Variants in RGPD3 observed in about 807,000 individuals in gnomAD.
The protein encoded by RGPD3 is RANBP2 like and GRIP domain containing 3, also known as ranBP2-like and GRIP domain-containing protein 3.
RGPD3 carries 62 observed loss-of-function variants against 154.5 expected under a neutral mutation model. The observed-to-expected ratio is 0.40, with a 90% CI of 0.33 to 0.50. RGPD3 has a LOEUF of 0.50. Ranked by LOEUF, RGPD3 falls within the 20% of genes least tolerant of loss-of-function variation. The pLI is 0.59. For missense variants in RGPD3, 919 were observed against 1,716.8 expected (o/e 0.54, Z 8.21); for synonymous variants, 308 against 607.0 (o/e 0.51, Z 7.24).
intron 20 of RGPD3, among the ~76,000 whole-genome samples, chr2:106,421,245 C>A (rs1188246547): frequency 6.6e-6 from 1 of 151,944 alleles, no homozygotes; most frequent in Non-Finnish European, 1.5e-5. Flanking sequence ...TTATCAGATT[C>A]AAAACAGAAT....
chr2:106,423,835 C>T lies in RGPD3; in HGVS notation c.4132G>A (p.Gly1378Ser), dbSNP rs769993709. The change falls in exon 20 of 23, where the codon GGC (glycine) becomes AGC (serine). Residue 1378 changes from glycine (G) to serine (S), a missense_variant. Transcript: ENST00000409886. ...TGTAAAATCTTTATATCACCAATGC[C>T]CCTTTCTTTCCATTGACCAACATCT... ...DKDVGQWKER[G>S]IGDIKILQNY... The T allele has an allele frequency of 8.2e-5, 132 of 1,611,824 alleles. No individual in the cohort carries two copies. The highest frequency in any genetic ancestry group is 1.1e-4 in the Non-Finnish European group (129 of 1,179,878).
chr2:106,441,124 T>C (rs1346175262), intron 8 of RGPD3, among the ~76,000 whole-genome samples, 169 bp downstream of exon 8: 1 of 151,862 alleles, frequency 6.6e-6, no homozygotes, highest in Admixed American at 6.6e-5. Flanking sequence ...TTTTAAAGAA[T>C]GTGCTATTTC....
intron 2 of RGPD3, among the ~76,000 whole-genome samples, chr2:106,459,030 A>C (rs1238791913): frequency 6.8e-6 from 1 of 146,594 alleles, no homozygotes; most frequent in African/African-American, 2.5e-5. Flanking sequence ...AAGTGTTTTA[A>C]GCCAAACAAT....
Position 106,415,873 on chromosome 2 carries a change from C to T in RGPD3, c.5041G>A (p.Ala1681Thr). 1 of 1,611,918 alleles carries T rather than the reference C, an allele frequency of 6.2e-7. No homozygotes were observed. The highest frequency in any genetic ancestry group is 8.5e-7 in the Non-Finnish European group (1 of 1,179,848). The part of the protein sequence containing the change: ...GLLREIEATN[A>T]VLMEQIKLLK... ...ACCTTAATTTGCTCCATAAGGACTG[C>T]ATTGGTTGCCTCTATTTCCCGAAGC... The change falls in exon 21 of 23, where the codon GCA becomes ACA. Residue 1681 changes from alanine to threonine, a missense_variant. Ala to Thr is a moderately conservative substitution (Grantham distance 58). Coordinates refer to ENST00000409886, the MANE Select transcript of RGPD3 (RefSeq NM_001144013.2).
intron 6 of RGPD3, among the ~76,000 whole-genome samples, chr2:106,449,751 C>T (rs2104501948): frequency 6.6e-6 from 1 of 152,000 alleles, no homozygotes; most frequent in Non-Finnish European, 1.5e-5. Flanking sequence ...GGCGCGGTGG[C>T]TCATGCCTGT....
chr2:106,465,449 T>C (rs1678541868), intron 1 of RGPD3, among the ~76,000 whole-genome samples: 1 of 152,124 alleles, frequency 6.6e-6, no homozygotes, highest in African/African-American at 2.4e-5. Flanking sequence ...CTTTATTTAA[T>C]GGAGAAGTTA....
Position 106,415,711 on chromosome 2 carries a change from A to G in RGPD3, c.5064+139T>C, listed in dbSNP as rs892763949. 83 of 778,440 alleles carry G rather than the reference A, an allele frequency of 1.1e-4. 1 individual carries two copies. In the African/African-American group the frequency reaches 1.5e-3, roughly 14 times the overall value. The allele number at this position is 778,440 out of a possible 1,614,324, so 48.2% of individuals were successfully genotyped here. ...AAAAAAAAAAAAGGCAATATTTCTCACCATCAGGAATCTAATATAAAGATC... is the reference window on the plus strand; with the variant it reads ...AAAAAAAAAAAAGGCAATATTTCTCGCCATCAGGAATCTAATATAAAGATC... On this transcript the variant is annotated intron_variant, in intron 21 of 22. Transcript: ENST00000409886.
chr2:106,423,793 G>A lies in RGPD3; in HGVS notation c.4174C>T (p.His1392Tyr). Residue 1392 changes from histidine (H) to tyrosine (Y), a missense_variant, in exon 20 of 23, where the codon CAC becomes TAC. Transcript: ENST00000409886. The stretch of plus-strand genomic sequence containing the variant: ...TCCCTTCTCATCAGTATACGAACGT[G>A]CTTATTATCATAATTCTGTAAAATC... The part of the protein sequence containing the change: ...IKILQNYDNK[H>Y]VRILMRRDQV... 6.2e-7 allele frequency: 1 copy of A among 1,611,974 alleles called. No individual in the cohort carries two copies. Among genetic ancestry groups the A allele is most frequent in the Non-Finnish European group, 8.5e-7 (1 of 1,179,864 alleles).
At chr2:106,418,119 T>G (rs187571080) in intron 20 of RGPD3, among the ~76,000 whole-genome samples, 9,557 of 143,376 alleles carry the variant, frequency 0.067, 1,226 homozygotes, top group Middle Eastern at 0.14. Context: ...AGAGCAAGAC[T>G]CCAGCTCAAA....
At chr2:106,426,775 C>T (rs1677210248) in intron 18 of RGPD3, among the ~76,000 whole-genome samples, 1 of 152,248 alleles carries the variant, frequency 6.6e-6, no homozygotes, top group South Asian at 2.1e-4. Flanking sequence ...TACCAGAAAA[C>T]AACCAAAAGA....
At position 106,412,293 on chromosome 2, in the gene RGPD3, G is replaced by GTTTTTTTTT. The variant is rs772813472; in HGVS notation, c.5266+782_5266+790dup. Among the ~76,000 whole-genome samples, 4 of 45,028 alleles carry GTTTTTTTTT rather than the reference G, an allele frequency of 8.9e-5. 1 individual carries two copies. Among genetic ancestry groups the GTTTTTTTTT allele is most frequent in the Admixed American group, 8.1e-4 (2 of 2,484 alleles). The allele number at this position is 45,028 out of a possible 152,430, so 29.5% of individuals were successfully genotyped here. On this transcript the variant is annotated intron_variant, in intron 22 of 22. Coordinates refer to ENST00000409886, the MANE Select transcript of RGPD3 (RefSeq NM_001144013.2). ...GGAAACCAACTCTAACTACATCATA[G>GTTTTTTTTT]TTTTTTTTTTTTTTTTTTTTTTTTT...
At position 106,417,575 on chromosome 2, in the gene RGPD3, C is replaced by T. The variant is rs1010945657; in HGVS notation, c.4925-1586G>A. Among the ~76,000 whole-genome samples, 33 of 149,800 alleles carry T rather than the reference C, an allele frequency of 2.2e-4. 2 individuals carry two copies. The highest frequency in any genetic ancestry group is 7.5e-4 in the African/African-American group (30 of 39,754). ...GTATCAGTTGTCTCCATGCCTTCTC[C>T]CTCTTCCCGGGTTACAGTGTGCATG... is the stretch of plus-strand genomic sequence containing the variant. On this transcript the variant is annotated intron_variant, in intron 20 of 22. Coordinates refer to ENST00000409886, the MANE Select transcript of RGPD3 (RefSeq NM_001144013.2).
intron 22 of RGPD3, among the ~76,000 whole-genome samples, chr2:106,411,659 T>G (rs1676675123): frequency 6.6e-6 from 1 of 151,600 alleles, no homozygotes; most frequent in South Asian, 2.1e-4. Flanking sequence ...AAACCTCGTC[T>G]CTACTAAAAA....
rs1280942171 is a variant in RGPD3 at position 106,424,443 on chromosome 2, G to A, written c.3524C>T (p.Pro1175Leu). The part of the protein sequence containing the change: ...EECQRLLLDI[P>L]LQTPHKLVDT... ...TACAAGTTTATGGGGAGTTTGAAGTGGTATGTCTAACAGAAGCCGCTGGCA... is the reference window on the plus strand; with the variant it reads ...TACAAGTTTATGGGGAGTTTGAAGTAGTATGTCTAACAGAAGCCGCTGGCA... The change falls in exon 20 of 23, where the codon CCA becomes CTA. Residue 1175 changes from proline (P) to leucine (L), a missense_variant. Transcript: ENST00000409886. 6.2e-7 allele frequency: 1 copy of A among 1,608,976 alleles called. No homozygotes were observed. Among genetic ancestry groups the A allele is most frequent in the Non-Finnish European group, 8.5e-7 (1 of 1,179,730 alleles).
At position 106,468,354 on chromosome 2, in the gene RGPD3, C is replaced by G; in HGVS notation, c.-66G>C. 6.4e-7 allele frequency: 1 copy of G among 1,555,034 alleles called. No individual in the cohort carries two copies. The highest frequency in any genetic ancestry group is 1.2e-5 in the South Asian group (1 of 84,464). On this transcript the variant is annotated 5_prime_UTR_variant, in exon 1 of 23. Coordinates refer to ENST00000409886, the MANE Select transcript of RGPD3 (RefSeq NM_001144013.2). The stretch of plus-strand genomic sequence containing the variant: ...CTCAGCCCCGCAGCAGTCGCCAATT[C>G]CAAGAGGAAAGCGCCTGAAAGCCAC...
In RGPD3 at chr2:106,436,297, C is replaced by G. The variant is rs527472955; in HGVS notation, c.1635-51G>C. ...ATTGCTTTCTAAATACACAGTTCAG[C>G]GCTTACATACATATATGTTAATGGG... On this transcript the variant is annotated intron_variant, in intron 11 of 22. Transcript: ENST00000409886. 3.4e-5 allele frequency: 54 copies of G among 1,610,736 alleles called. No individual in the cohort carries two copies. In the African/African-American group the frequency reaches 6.4e-4, roughly 19 times the overall value.
chr2:106,449,262 C>T (rs1482748196), intron 6 of RGPD3, among the ~76,000 whole-genome samples: 1 of 146,186 alleles, frequency 6.8e-6, no homozygotes, highest in Non-Finnish European at 1.5e-5. Context: ...GTCAGGAGTT[C>T]AAGACCAGCC....
At chr2:106,406,671 C>T (rs1676525154) in intron 22 of RGPD3, among the ~76,000 whole-genome samples, 1 of 151,562 alleles carries the variant, frequency 6.6e-6, no homozygotes, top group Admixed American at 6.6e-5. Context: ...ACATAATTCA[C>T]CTTTTTAAAG....
At chr2:106,441,678 AAC>A (rs1488833071) in intron 7 of RGPD3, among the ~76,000 whole-genome samples, 141 of 149,862 alleles carry the variant, frequency 9.4e-4, no homozygotes, top group African/African-American at 3.4e-3. Flanking sequence ...AACATGGTGA[AAC>A]ACAGTCTCTA....
Sources: gnomAD v4.1 joint callset for allele counts (sites outside exome capture counted in the v4.1 genomes callset) on GRCh38, gnomAD v4.1.1 for gene constraint, MANE v1.5 for transcripts, NCBI Gene and HGNC (gene_info 2026-07-23, HGNC 2026-07-21) for gene names.